The following BIRC6 variants were observed in gnomAD, a reference collection of about 807,000 sequenced individuals.
The protein encoded by BIRC6 is baculoviral IAP repeat containing 6.
Under a neutral mutation model 503.3 loss-of-function variants are expected in BIRC6, and 98 were observed. The ratio of observed to expected loss-of-function variants is 0.19; its 90% confidence interval spans 0.17 to 0.23. The LOEUF is 0.23. Ranked by LOEUF, BIRC6 falls within the 10% of genes least tolerant of loss-of-function variation. BIRC6 has a pLI of 1.00. For missense variants in BIRC6, 5,360 were observed against 5,806.0 expected, an observed-to-expected ratio of 0.92 and a Z score of 2.50; for synonymous variants, 2,240 against 2,078.7, an observed-to-expected ratio of 1.08 and a Z score of -2.11.
At position 32,468,434 on chromosome 2, in the gene BIRC6, T is replaced by G; in HGVS notation, c.5781-3T>G. Reference sequence around the variant, plus strand: ...TATTTTGTTCAATCTTTTTTTACTTTAGGTATAACTTGGCTTGTCATCGTC... The same window carrying G: ...TATTTTGTTCAATCTTTTTTTACTTGAGGTATAACTTGGCTTGTCATCGTC... On this transcript the variant is annotated splice_polypyrimidine_tract_variant and splice_region_variant and intron_variant, in intron 28 of 73. Coordinates refer to ENST00000421745, the MANE Select transcript of BIRC6 (RefSeq NM_016252.4). The G allele has an allele frequency of 6.4e-7, 1 of 1,552,734 alleles. No homozygotes were observed. The highest frequency in any genetic ancestry group is 2.3e-5 in the East Asian group (1 of 44,368).
chr2:32,430,805 C>CTT (rs370529825), intron 11 of BIRC6, 60 bp from the exon 12 acceptor site: 10,706 of 481,980 alleles, frequency 0.022, 193 homozygotes, highest in Admixed American at 0.03. Context: ...TCATTGTCTT[C>CTT]TTTTTTTTTT....
intron 12 of BIRC6, among the ~76,000 whole-genome samples, chr2:32,432,685 A>G (rs1323745910): frequency 6.6e-6 from 1 of 150,998 alleles, no homozygotes; most frequent in East Asian, 2.0e-4. Context: ...ACTTGAGCCC[A>G]GGCGGTTGAG....
intron 11 of BIRC6, among the ~76,000 whole-genome samples, chr2:32,429,769 A>G (rs2043896424): frequency 1.3e-5 from 2 of 151,910 alleles, no homozygotes; most frequent in Admixed American, 6.6e-5. Context: ...CTAGCATGCT[A>G]CTCCCTGCCA....
At chr2:32,549,529 T>G in intron 65 of BIRC6, 48 bp downstream of exon 65, 1 of 1,290,422 alleles carries the variant, frequency 7.7e-7, no homozygotes, top group Admixed American at 2.7e-5. Context: ...TTTTGTTTGC[T>G]TATTTTATCA....
At chr2:32,485,247 GTCTA>G (rs529874331) in intron 39 of BIRC6, among the ~76,000 whole-genome samples, 9 of 152,196 alleles carry the variant, frequency 5.9e-5, no homozygotes, top group East Asian at 3.9e-4. Flanking sequence ...TTCTGTATCT[GTCTA>G]TCTATTCTGA....
intron 6 of BIRC6, 102 bp from the exon 7 acceptor site, chr2:32,401,061 A>T: frequency 1.0e-6 from 1 of 959,636 alleles, no homozygotes; most frequent in African/African-American, 1.6e-5. Context: ...TGAATACTTT[A>T]AGTTCAGTTA....
chr2:32,549,861 T>C (rs575736875), intron 65 of BIRC6, among the ~76,000 whole-genome samples: 67 of 152,330 alleles, frequency 4.4e-4, no homozygotes, highest in South Asian at 2.1e-3. Context: ...ACAACAGTTA[T>C]TTTTGAAGAA....
At chr2:32,596,930 T>C (rs2061713627) in intron 68 of BIRC6, among the ~76,000 whole-genome samples, 2 of 152,242 alleles carry the variant, frequency 1.3e-5, no homozygotes, top group Non-Finnish European at 2.9e-5. Context: ...TAGAATCATA[T>C]GTCCAGACCC....
intron 5 of BIRC6, among the ~76,000 whole-genome samples, chr2:32,392,919 G>A (rs1354192546): frequency 6.6e-6 from 1 of 151,926 alleles, no homozygotes; most frequent in Non-Finnish European, 1.5e-5. Context: ...GGGATTATAA[G>A]TGTGAGACAC....
chr2:32,429,086 A>AT (rs1365801765), intron 10 of BIRC6, 60 bp from the exon 11 acceptor site: 1 of 1,386,402 alleles, frequency 7.2e-7, no homozygotes. Flanking sequence ...GTAGTATTAC[A>AT]TTTGAATATT....
At chr2:32,588,557 A>T (rs1015643417) in intron 66 of BIRC6, among the ~76,000 whole-genome samples, 7 of 152,246 alleles carry the variant, frequency 4.6e-5, no homozygotes, top group Admixed American at 3.3e-4. Context: ...TTGTGGTTTA[A>T]TGTACCCTAT....
At chr2:32,505,529 T>TA (rs2053694951) in intron 50 of BIRC6, among the ~76,000 whole-genome samples, 1 of 152,230 alleles carries the variant, frequency 6.6e-6, no homozygotes. Context: ...TTTACCATGT[T>TA]AGTTTTTTCA....
chr2:32,460,571 C>T (rs1400395390), intron 23 of BIRC6, among the ~76,000 whole-genome samples: 3 of 152,002 alleles, frequency 2.0e-5, no homozygotes, highest in Non-Finnish European at 4.4e-5. Flanking sequence ...GGCACCATGC[C>T]TGGCCCAGCC....
At chr2:32,461,413 C>G (rs192409153) in intron 23 of BIRC6, among the ~76,000 whole-genome samples, 3 of 147,348 alleles carry the variant, frequency 2.0e-5, no homozygotes, top group Admixed American at 6.8e-5. Context: ...ACCATGTTGA[C>G]CAAGCTGGTC....
Position 32,562,464 on chromosome 2 carries a change from A to G in BIRC6, c.13145-12692A>G, listed in dbSNP as rs533674640. Among the ~76,000 whole-genome samples the G allele has an allele frequency of 6.6e-5, 10 of 152,346 alleles. No individual in the cohort carries two copies. The South Asian group carries it at 1.0e-3, about 16-fold the overall frequency. ...TGGTATGTTATTTTTAACTAAATTT[A>G]TAGTTGAAATTCGAGTTCGCTCTTT... On this transcript the variant is annotated intron_variant, in intron 65 of 73. Coordinates refer to ENST00000421745, the MANE Select transcript of BIRC6 (RefSeq NM_016252.4).
intron 51 of BIRC6, 75 bp from the exon 52 acceptor site, chr2:32,509,663 T>G: frequency 6.5e-7 from 1 of 1,535,822 alleles, no homozygotes; most frequent in Non-Finnish European, 8.9e-7. Flanking sequence ...CATGCTGATC[T>G]TTAAAAAGTT....
In BIRC6 at chr2:32,357,132, T is replaced by C. The variant is rs777041738; in HGVS notation, c.-30T>C. 5.5e-6 allele frequency: 8 copies of C among 1,458,412 alleles called. No homozygotes were observed. The highest frequency in any genetic ancestry group is 1.4e-5 in the South Asian group (1 of 71,574). 90.3% of individuals were successfully genotyped at this position (1,458,412 alleles called of 1,614,324 possible). A position where few individuals can be genotyped will look rare whatever the true frequency, so the allele number is the denominator to read the frequency against. ...GCGGGCGCCTGACTTCACTTCCGGC[T>C]AACGCGCTCGGCTTGCCCCCTGGCC... On this transcript the variant is annotated 5_prime_UTR_variant, in exon 1 of 74. Transcript: ENST00000421745. This position sits in a 1 kb window ranked among gnomAD's most constrained non-coding sequence, Gnocchi z 4.9.
At chr2:32,552,179 C>T (rs1280286136) in intron 65 of BIRC6, among the ~76,000 whole-genome samples, 3 of 151,980 alleles carry the variant, frequency 2.0e-5, no homozygotes, top group African/African-American at 7.3e-5. Flanking sequence ...TATTACTGTC[C>T]CACACCCTTT....
rs1317461874 is a variant in BIRC6 at position 32,361,792 on chromosome 2, G to A, written c.325+4306G>A. ...AGAATGTCATAGTTGTATTTATACCGTTTGTAGACTTTTCAGGTTGCCTTC... is the reference window on the plus strand; with the variant it reads ...AGAATGTCATAGTTGTATTTATACCATTTGTAGACTTTTCAGGTTGCCTTC... On this transcript the variant is annotated intron_variant, in intron 1 of 73. Transcript: ENST00000421745. 3.3e-5 allele frequency among the ~76,000 whole-genome samples: 5 copies of A among 151,852 alleles called. No individual in the cohort carries two copies. In the South Asian group the frequency reaches 6.2e-4, roughly 19 times the overall value.
Sources: gnomAD v4.1 joint callset for allele counts (sites outside exome capture counted in the v4.1 genomes callset) on GRCh38, gnomAD v4.1.1 for gene constraint, Gnocchi (gnomAD v3.1) non-coding constraint, MANE v1.5 for transcripts, NCBI Gene and HGNC (gene_info 2026-07-23, HGNC 2026-07-21) for gene names.